The following NEURL4 variants were observed in gnomAD, a reference collection of about 807,000 sequenced individuals.
NEURL4 encodes neuralized E3 ubiquitin protein ligase 4.
A neutral mutation model predicts 148.0 loss-of-function variants in NEURL4; 45 were observed. The observed-to-expected ratio is 0.30, with a 90% confidence interval of 0.24 to 0.39. NEURL4 has a LOEUF of 0.39. Among genes scored for constraint, NEURL4 ranks in the 10% least tolerant of loss-of-function variants. NEURL4 has a pLI of 1.00. For synonymous variants in NEURL4, 854 were observed against 869.0 expected (o/e 0.98, Z 0.30); for missense variants, 1,776 against 2,144.0 (o/e 0.83, Z 3.39).
Position 7,318,048 on chromosome 17 carries a change from C to A in NEURL4, c.4060+17G>T, listed in dbSNP as rs765372222. On this transcript the variant is annotated intron_variant, in intron 25 of 28. Transcript: ENST00000399464. The surrounding 1 kb of genome is among the most constrained non-coding windows in gnomAD (Gnocchi z 4.3). ...GCCCTGGGAATGAAGTCAGTTCTGG[C>A]GGACTGTGGGACTCACCGGGAAGCA... 1.2e-6 allele frequency: 2 copies of A among 1,613,528 alleles called. No individual in the cohort carries two copies. Among genetic ancestry groups the A allele is most frequent in the East Asian group, 2.2e-5 (1 of 44,890 alleles).
At chr17:7,317,975 C>T (rs1214572253) in intron 25 of NEURL4, 43 bp from the exon 26 acceptor site, 2 of 1,613,552 alleles carry the variant, frequency 1.2e-6, no homozygotes, top group Non-Finnish European at 1.7e-6. Flanking sequence ...TGGCTCCCAC[C>T]TCAACCACAG....
chr17:7,317,490 C>T lies in NEURL4; in HGVS notation c.4289G>A (p.Arg1430Lys). The T allele has an allele frequency of 6.2e-7, 1 of 1,614,200 alleles. No homozygotes were observed. The highest frequency in any genetic ancestry group is 8.5e-7 in the Non-Finnish European group (1 of 1,180,028). Reference sequence around the variant, plus strand: ...TCCCAGCTCCCCTCGGTCCAGCACTCTCCGTACAGCGGCAACATTGCTCCC... The same window carrying T: ...TCCCAGCTCCCCTCGGTCCAGCACTTTCCGTACAGCGGCAACATTGCTCCC... ...YHGSNVAAVR[R>K]VLDRGELGAG... is the part of the protein sequence containing the mutation. Residue 1430 changes from arginine to lysine, a missense_variant, in exon 27 of 29, where the codon AGA (arginine) becomes AAA (lysine). By Grantham distance (26) the Arg-to-Lys change is conservative (BLOSUM62 2). Transcript: ENST00000399464.
chr17:7,324,485 G>A lies in NEURL4; in HGVS notation c.1814-5C>T. 6.2e-7 allele frequency: 1 copy of A among 1,613,372 alleles called. No homozygotes were observed. The highest frequency in any genetic ancestry group is 1.1e-5 in the South Asian group (1 of 91,076). ...TCCCAGTCATCATCCAGGTCCCTGG[G>A]AGGACAAGGAGCAGGAGGGGACATG... On this transcript the variant is annotated splice_region_variant and splice_polypyrimidine_tract_variant and intron_variant, in intron 9 of 28. Coordinates refer to ENST00000399464, the MANE Select transcript of NEURL4 (RefSeq NM_032442.3). The surrounding 1 kb of genome is among the most constrained non-coding windows in gnomAD (Gnocchi z 5.9).
Position 7,326,531 on chromosome 17 carries a change from A to G in NEURL4, c.1110T>C (p.Leu370=). ...NEMFEIRIDK[L]VDKWSGSIEI... ...CAATGGAGCCTGACCACTTATCAACAAGCTTGTCGATACGGATCTGGCATT... is the reference window on the plus strand; with the variant it reads ...CAATGGAGCCTGACCACTTATCAACGAGCTTGTCGATACGGATCTGGCATT... Residue 370 remains leucine (L), a synonymous_variant, in exon 5 of 29, where the codon CTT becomes CTC. Transcript: ENST00000399464. The surrounding 1 kb of genome is among the most constrained non-coding windows in gnomAD (Gnocchi z 6.0). 1.2e-6 allele frequency: 2 copies of G among 1,614,054 alleles called. No homozygotes were observed. Among genetic ancestry groups the G allele is most frequent in the Non-Finnish European group, 1.7e-6 (2 of 1,180,004 alleles).
chr17:7,323,606 C>G lies in NEURL4; in HGVS notation c.2338+41G>C, dbSNP rs930111393. ...TAAGTCAAGGCCGATCCCCAAGGCA[C>G]AGACATCCAACAGCCCCCAACACAC... On this transcript the variant is annotated intron_variant, in intron 13 of 28. Coordinates refer to ENST00000399464, the MANE Select transcript of NEURL4 (RefSeq NM_032442.3). 3 of 1,613,844 alleles carry G rather than the reference C, an allele frequency of 1.9e-6. No homozygotes were observed. The African/African-American group carries it at 4.0e-5, about 22-fold the overall frequency.
rs775305301 is a variant in NEURL4, at chr17:7,325,729, A to T, written c.1294-16T>A. 29 of 1,611,408 alleles carry T rather than the reference A, an allele frequency of 1.8e-5. No homozygotes were observed. The highest frequency in any genetic ancestry group is 1.9e-5 in the Non-Finnish European group (22 of 1,177,952). Reference sequence around the variant, plus strand: ...GGTCACCCTCCTAATCAAAGAAGACAAACAGTTTAGAGGAGTCCTGAGGCC... The same window carrying T: ...GGTCACCCTCCTAATCAAAGAAGACTAACAGTTTAGAGGAGTCCTGAGGCC... On this transcript the variant is annotated splice_polypyrimidine_tract_variant and intron_variant, in intron 6 of 28. Coordinates refer to ENST00000399464, the MANE Select transcript of NEURL4 (RefSeq NM_032442.3).
At chr17:7,319,700 C>CAAAA (rs369930443) in intron 21 of NEURL4, among the ~76,000 whole-genome samples, 1 of 118,078 alleles carries the variant, frequency 8.5e-6, no homozygotes, top group Non-Finnish European at 1.7e-5. Flanking sequence ...AACTCCGTCT[C>CAAAA]AAAAAAAACA....
chr17:7,325,554 A>G (rs1012187030), intron 7 of NEURL4, 81 bp from the exon 8 acceptor site: 2 of 1,587,906 alleles, frequency 1.3e-6, no homozygotes, highest in African/African-American at 2.7e-5. Flanking sequence ...GCCAAGCACC[A>G]AAGAGAAGCA....
chr17:7,324,373 G>A lies in NEURL4; in HGVS notation c.1899+22C>T, dbSNP rs746836458. ...TTTGTGATGCCCGCTGCGGCCGCCA[G>A]GCGGCGCACCCACTTTCCCACCTTG... On this transcript the variant is annotated intron_variant, in intron 10 of 28. Coordinates refer to ENST00000399464, the MANE Select transcript of NEURL4 (RefSeq NM_032442.3). This position sits in a 1 kb window ranked among gnomAD's most constrained non-coding sequence, Gnocchi z 5.9. 7.4e-6 allele frequency: 12 copies of A among 1,614,126 alleles called. No homozygotes were observed. The highest frequency in any genetic ancestry group is 1.0e-5 in the Non-Finnish European group (12 of 1,179,986).
chr17:7,323,705 C>A lies in NEURL4; in HGVS notation c.2280G>T (p.Glu760Asp). Residue 760 changes from glutamate (E) to aspartate (D), a missense_variant, in exon 13 of 29, where the codon GAG (glutamate) becomes GAT (aspartate). Glu to Asp is a conservative substitution (Grantham distance 45). Transcript: ENST00000399464. ...VISNRALRDG[E>D]LFEIVIQKMV... The stretch of plus-strand genomic sequence containing the variant: ...TCTTCTGAATGACAATTTCAAACAG[C>A]TCTCCATCCCGCAGGGCCCTGCCAG... 6.2e-7 allele frequency: 1 copy of A among 1,614,014 alleles called. No individual in the cohort carries two copies. The highest frequency in any genetic ancestry group is 8.5e-7 in the Non-Finnish European group (1 of 1,179,942).
Position 7,317,483 on chromosome 17 carries a change from C to T in NEURL4, c.4296G>A (p.Leu1432=). ...GSNVAAVRRV[L]DRGELGAGTA... ...TACCTGCTCCCAGCTCCCCTCGGTC[C>T]AGCACTCTCCGTACAGCGGCAACAT... Residue 1432 remains leucine, a synonymous_variant, in exon 27 of 29, where the codon CTG becomes CTA. Transcript: ENST00000399464. 1 of 1,614,174 alleles carries T rather than the reference C, an allele frequency of 6.2e-7. No homozygotes were observed. The highest frequency in any genetic ancestry group is 2.2e-5 in the East Asian group (1 of 44,890).
At chr17:7,320,169 A>G (rs2073011493) in intron 21 of NEURL4, among the ~76,000 whole-genome samples, 1 of 146,094 alleles carries the variant, frequency 6.8e-6, no homozygotes, top group African/African-American at 2.6e-5. Flanking sequence ...GTCTTGCTCT[A>G]TCTCCCAGGC....
chr17:7,327,633 G>A lies in NEURL4; in HGVS notation c.534C>T (p.Cys178=), dbSNP rs370205030. Residue 178 remains cysteine, a synonymous_variant, in exon 2 of 29, where the codon TGC becomes TGT. Transcript: ENST00000399464. This position sits in a 1 kb window ranked among gnomAD's most constrained non-coding sequence, Gnocchi z 6.6. Reference sequence around the variant, plus strand: ...GGGGCAGGCCTGTGGCAGCCACACCGCAATCCCGCCCATTCACCCAGAGCC... The same window carrying A: ...GGGGCAGGCCTGTGGCAGCCACACCACAATCCCGCCCATTCACCCAGAGCC... ...ELRLWVNGRD[C]GVAATGLPPR... is the part of the protein sequence containing the mutation. 2,010 of 1,613,138 alleles carry A rather than the reference G, an allele frequency of 1.2e-3. 3 individuals are homozygous for A. The highest frequency in any genetic ancestry group is 1.5e-3 in the Non-Finnish European group (1,718 of 1,179,942).
Position 7,324,683 on chromosome 17 carries a change from G to A in NEURL4, c.1813+116C>T, listed in dbSNP as rs1466677348. The A allele has an allele frequency of 8.1e-7, 1 of 1,238,090 alleles. No individual in the cohort carries two copies. The highest frequency in any genetic ancestry group is 1.2e-6 in the Non-Finnish European group (1 of 862,518). The allele number at this position is 1,238,090 out of a possible 1,614,324, so 76.7% of individuals were successfully genotyped here. A position where few individuals can be genotyped will look rare whatever the true frequency, so the allele number is the denominator to read the frequency against. The stretch of plus-strand genomic sequence containing the variant: ...GCCCACGGGACACTCTCTAGCCACT[G>A]AATGAGTGGTCACAAGAGTGACAAG... On this transcript the variant is annotated intron_variant, in intron 9 of 28. Coordinates refer to ENST00000399464, the MANE Select transcript of NEURL4 (RefSeq NM_032442.3). The surrounding 1 kb of genome is among the most constrained non-coding windows in gnomAD (Gnocchi z 5.9).
Position 7,317,495 on chromosome 17 carries a change from T to C in NEURL4, c.4284A>G (p.Val1428=), listed in dbSNP as rs2072965230. Residue 1428 remains valine (V), a synonymous_variant, in exon 27 of 29, where the codon GTA becomes GTG. Coordinates refer to ENST00000399464, the MANE Select transcript of NEURL4 (RefSeq NM_032442.3). ...MAYHGSNVAA[V]RRVLDRGELG... is the part of the protein sequence containing the mutation. ...GCTCCCCTCGGTCCAGCACTCTCCG[T>C]ACAGCGGCAACATTGCTCCCGTGAT... 6.2e-7 allele frequency: 1 copy of C among 1,614,166 alleles called. No individual in the cohort carries two copies.
At chr17:7,325,777 A>G in intron 6 of NEURL4, 64 bp from the exon 7 acceptor site, 2 of 1,302,650 alleles carry the variant, frequency 1.5e-6, no homozygotes, top group Non-Finnish European at 2.2e-6. Flanking sequence ...CACTCCACAC[A>G]GGAACAACTC....
At position 7,321,096 on chromosome 17, in the gene NEURL4, T is replaced by C. The variant is rs756734492; in HGVS notation, c.3360+16A>G. On this transcript the variant is annotated intron_variant, in intron 20 of 28. Transcript: ENST00000399464. The surrounding 1 kb of genome is among the most constrained non-coding windows in gnomAD (Gnocchi z 6.3). ...GCCCATCCATGTGCACAGCAGACCA[T>C]GCTGCAGCCTCTTACTCCCAGGCCA... 8 of 1,612,110 alleles carry C rather than the reference T, an allele frequency of 5.0e-6. No individual in the cohort carries two copies. The African/African-American group carries it at 9.4e-5, about 19-fold the overall frequency.
At chr17:7,323,428 C>A in intron 14 of NEURL4, 57 bp downstream of exon 14, 1 of 1,581,788 alleles carries the variant, frequency 6.3e-7, no homozygotes, top group South Asian at 1.1e-5. Context: ...CCTTGCTTCC[C>A]TGATCCCAGC....
rs1397159279 is a variant in NEURL4, at chr17:7,318,936, C to T, written c.3684+114G>A. 27 of 1,234,002 alleles carry T rather than the reference C, an allele frequency of 2.2e-5. No individual in the cohort carries two copies. 76.4% of individuals were successfully genotyped at this position (1,234,002 alleles called of 1,614,324 possible). A position where few individuals can be genotyped will look rare whatever the true frequency, so the allele number is the denominator to read the frequency against. On this transcript the variant is annotated intron_variant, in intron 22 of 28. Transcript: ENST00000399464. This position sits in a 1 kb window ranked among gnomAD's most constrained non-coding sequence, Gnocchi z 4.3. ...TCGCCCTTGCCTGCCCATTACTGTT[C>T]CCCTTTTACACCTGTGGTCCTACCT...
Sources: gnomAD v4.1 joint callset for allele counts (sites outside exome capture counted in the v4.1 genomes callset) on GRCh38, gnomAD v4.1.1 for gene constraint, Gnocchi (gnomAD v3.1) non-coding constraint, MANE v1.5 for transcripts, NCBI Gene and HGNC (gene_info 2026-07-23, HGNC 2026-07-21) for gene names.